Variants in ARHGAP42 observed in about 807,000 individuals in gnomAD.
ARHGAP42 encodes the protein rho GTPase-activating protein 42.
ARHGAP42 carries 63 observed loss-of-function variants against 125.0 expected under a neutral mutation model. The observed-to-expected ratio is 0.50, with a 90% CI of 0.41 to 0.62. ARHGAP42 has a LOEUF of 0.62. Ranked by LOEUF, ARHGAP42 falls within the 20% of genes least tolerant of loss-of-function variation. ARHGAP42 has a pLI of 0.00. For synonymous variants in ARHGAP42, 339 were observed against 351.0 expected, an observed-to-expected ratio of 0.97 and a Z score of 0.38; for missense variants, 766 against 1,024.2, an observed-to-expected ratio of 0.75 and a Z score of 3.44.
At chr11:100,918,732 A>T (rs1867150003) in intron 5 of ARHGAP42, among the ~76,000 whole-genome samples, 1 of 152,172 alleles carries the variant, frequency 6.6e-6, no homozygotes, top group Non-Finnish European at 1.5e-5. Context: ...TATGCTCTGG[A>T]TGACGTTTCA....
rs1197019112 is a variant in ARHGAP42, at chr11:100,873,273, A to G, written c.384+13648A>G. Among the ~76,000 whole-genome samples, 3 of 152,176 alleles carry G rather than the reference A, an allele frequency of 2.0e-5. 1 individual carries two copies. Among genetic ancestry groups the G allele is most frequent in the South Asian group, 4.1e-4 (2 of 4,830 alleles). On this transcript the variant is annotated intron_variant, in intron 4 of 23. Transcript: ENST00000298815. ...TTAGCCTTTTTTTCTTTCTTTTTGG[A>G]GAATGAACCGCATTAAGAAATACAT...
chr11:100,988,691 A>G (rs1213295147), intron 23 of ARHGAP42, 22 bp from the exon 24 acceptor site: 2 of 1,419,990 alleles, frequency 1.4e-6, no homozygotes, highest in South Asian at 1.3e-5. Flanking sequence ...ACTGAGTGCT[A>G]TTTATTTATT....
intron 3 of ARHGAP42, among the ~76,000 whole-genome samples, chr11:100,818,372 C>A (rs886971859): frequency 1.3e-5 from 2 of 152,086 alleles, no homozygotes; most frequent in Admixed American, 1.3e-4. Flanking sequence ...ATGTACATAA[C>A]GTCAGTGATG....
intron 1 of ARHGAP42, among the ~76,000 whole-genome samples, chr11:100,739,143 T>A (rs1862126194): frequency 6.6e-6 from 1 of 151,944 alleles, no homozygotes; most frequent in African/African-American, 2.4e-5. Flanking sequence ...TATCTTAGAG[T>A]CTTTTTTTTT....
At chr11:100,958,403 C>T (rs1037749168) in intron 12 of ARHGAP42, among the ~76,000 whole-genome samples, 2 of 151,882 alleles carry the variant, frequency 1.3e-5, no homozygotes, top group African/African-American at 4.8e-5. Flanking sequence ...TTCTTTTGAC[C>T]TAGGACACTG....
chr11:100,897,563 G>T (rs1220690055), intron 4 of ARHGAP42, among the ~76,000 whole-genome samples: 1 of 152,114 alleles, frequency 6.6e-6, no homozygotes, highest in African/African-American at 2.4e-5. Flanking sequence ...CACATCCCTT[G>T]TAAGTTGGAT....
chr11:100,749,062 C>A (rs11224429), intron 1 of ARHGAP42, among the ~76,000 whole-genome samples: 2,055 of 152,182 alleles, frequency 0.014, 61 homozygotes, highest in African/African-American at 0.047. Flanking sequence ...GCGGCTTATG[C>A]TGCTGTTCTC....
intron 4 of ARHGAP42, among the ~76,000 whole-genome samples, chr11:100,890,619 C>T (rs1326587634): frequency 6.6e-6 from 1 of 152,070 alleles, no homozygotes; most frequent in Non-Finnish European, 1.5e-5. Flanking sequence ...CACATTATAT[C>T]GAATAGATAT....
intron 12 of ARHGAP42, among the ~76,000 whole-genome samples, chr11:100,958,346 A>T (rs1857860950): frequency 1.3e-5 from 2 of 152,054 alleles, no homozygotes; most frequent in South Asian, 4.1e-4. Context: ...TGCCATGGCC[A>T]TTCATTTTTG....
At position 100,878,651 on chromosome 11, in the gene ARHGAP42, G is replaced by A. The variant is rs181810690; in HGVS notation, c.384+19026G>A. Among the ~76,000 whole-genome samples, 9 of 152,192 alleles carry A rather than the reference G, an allele frequency of 5.9e-5. No homozygotes were observed. In the East Asian group the frequency reaches 1.7e-3, roughly 29 times the overall value. On this transcript the variant is annotated intron_variant, in intron 4 of 23. Coordinates refer to ENST00000298815, the MANE Select transcript of ARHGAP42 (RefSeq NM_152432.4). ...TCATAAAAGTAGCTCTCATCCCAGG[G>A]GACATGCGGAGATTAGAAAATGAGC...
At chr11:100,705,013 CAA>C (rs1211966921) in intron 1 of ARHGAP42, among the ~76,000 whole-genome samples, 9 of 54,762 alleles carry the variant, frequency 1.6e-4, no homozygotes, top group East Asian at 4.9e-4. Flanking sequence ...ACAACAACAA[CAA>C]AAAAAAAAAA....
chr11:100,871,518 C>G (rs1865695292), intron 4 of ARHGAP42, among the ~76,000 whole-genome samples: 2 of 142,446 alleles, frequency 1.4e-5, no homozygotes, highest in South Asian at 4.4e-4. Flanking sequence ...TGCACTCCAG[C>G]CTGGGTGACG....
At chr11:100,914,655 C>T (rs952886924) in intron 5 of ARHGAP42, among the ~76,000 whole-genome samples, 8 of 152,096 alleles carry the variant, frequency 5.3e-5, no homozygotes, top group South Asian at 2.1e-4. Flanking sequence ...AAAAAGTGAT[C>T]GGGAACCGTG....
At chr11:100,744,778 T>C (rs1428782900) in intron 1 of ARHGAP42, among the ~76,000 whole-genome samples, 1 of 152,166 alleles carries the variant, frequency 6.6e-6, no homozygotes, top group Non-Finnish European at 1.5e-5. Context: ...AAGTTCACCA[T>C]TGTTATAAAT....
intron 1 of ARHGAP42, among the ~76,000 whole-genome samples, chr11:100,726,132 T>C (rs1861857750): frequency 2.7e-5 from 4 of 148,176 alleles, no homozygotes; most frequent in Admixed American, 2.7e-4. Context: ...GCAGGCAGAG[T>C]TAAGAAATGA....
Position 100,775,201 on chromosome 11 carries a change from C to A in ARHGAP42, c.250+4763C>A, listed in dbSNP as rs187265571. Among the ~76,000 whole-genome samples the A allele has an allele frequency of 9.1e-4, 139 of 152,238 alleles. 3 individuals are homozygous for A. The highest frequency in any genetic ancestry group is 2.6e-3 in the Admixed American group (39 of 15,286). On this transcript the variant is annotated intron_variant, in intron 2 of 23. Coordinates refer to ENST00000298815, the MANE Select transcript of ARHGAP42 (RefSeq NM_152432.4). The stretch of plus-strand genomic sequence containing the variant: ...ATCCACATAACTTCCCACAGCTGCA[C>A]TAACTGCCCACTTTTTATTTGGCTT...
intron 3 of ARHGAP42, among the ~76,000 whole-genome samples, chr11:100,829,360 C>CAAAA (rs201534837): frequency 8.0e-6 from 1 of 124,608 alleles, no homozygotes; most frequent in Non-Finnish European, 1.8e-5. Flanking sequence ...ACCCTGTCTT[C>CAAAA]AAAAAAAAAA....
chr11:100,948,698 C>T (rs541678411), intron 11 of ARHGAP42, among the ~76,000 whole-genome samples, 163 bp downstream of exon 11: 3 of 152,138 alleles, frequency 2.0e-5, no homozygotes, highest in African/African-American at 4.8e-5. Flanking sequence ...TAGTCTCACT[C>T]ATGGCCCATA....
chr11:100,894,883 C>A (rs1278974362), intron 4 of ARHGAP42, among the ~76,000 whole-genome samples: 2 of 152,156 alleles, frequency 1.3e-5, no homozygotes, highest in Admixed American at 1.3e-4. Context: ...TCCTACCGGT[C>A]GATGACCTTA....
Sources: allele counts gnomAD v4.1 joint callset (sites outside exome capture counted in the v4.1 genomes callset), GRCh38; gene constraint gnomAD v4.1.1; transcripts MANE v1.5; gene names NCBI Gene and HGNC (gene_info 2026-07-23, HGNC 2026-07-21).